MOGAT1: variants seen among roughly 807,000 people sequenced by gnomAD.
MOGAT1 encodes the protein 2-acylglycerol O-acyltransferase 1.
A neutral mutation model predicts 31.4 loss-of-function variants in MOGAT1; 32 were observed. The ratio of observed to expected loss-of-function variants is 1.02; its 90% confidence interval spans 0.77 to 1.37. The LOEUF is 1.37. Ranked by LOEUF, MOGAT1 falls within the 40% of genes most tolerant of loss-of-function variation. The pLI, the probability that MOGAT1 is intolerant of heterozygous loss-of-function variation, is 0.00. For missense variants in MOGAT1, 426 were observed against 402.0 expected, an observed-to-expected ratio of 1.06 and a Z score of -0.51; for synonymous variants, 145 against 144.5, an observed-to-expected ratio of 1.00 and a Z score of -0.03.
intron 2 of MOGAT1, 83 bp from the exon 3 acceptor site, chr2:222,689,182 T>C (rs924564535): frequency 1.9e-5 from 23 of 1,231,066 alleles, no homozygotes; most frequent in Non-Finnish European, 2.6e-5. Context: ...TCTCTTGACA[T>C]AAAAACTAGT....
At chr2:222,674,375 T>C (rs1417384076) in intron 1 of MOGAT1, among the ~76,000 whole-genome samples, 1 of 152,242 alleles carries the variant, frequency 6.6e-6, no homozygotes, top group African/African-American at 2.4e-5. Flanking sequence ...ATGACCTAGG[T>C]TTATAATTAT....
intron 1 of MOGAT1, 55 bp from the exon 2 acceptor site, chr2:222,688,289 T>G: frequency 7.0e-7 from 1 of 1,433,910 alleles, no homozygotes; most frequent in South Asian, 1.4e-5. Flanking sequence ...CATGGGCCAC[T>G]GCAGTGAGCA....
intron 1 of MOGAT1, among the ~76,000 whole-genome samples, chr2:222,684,883 C>T (rs1172625098): frequency 6.6e-6 from 1 of 152,088 alleles, no homozygotes; most frequent in Non-Finnish European, 1.5e-5. Flanking sequence ...CCGTATTTTA[C>T]TTCTTATTAT....
chr2:222,704,602 C>T (rs892641055), intron 5 of MOGAT1, among the ~76,000 whole-genome samples: 5 of 150,304 alleles, frequency 3.3e-5, no homozygotes, highest in African/African-American at 4.9e-5. Flanking sequence ...CCAGCCTGGG[C>T]GACAAAGCGA....
At chr2:222,675,431 GCCCGAATTA>G (rs1306004381) in intron 1 of MOGAT1, among the ~76,000 whole-genome samples, 1 of 151,644 alleles carries the variant, frequency 6.6e-6, no homozygotes, top group African/African-American at 2.4e-5. Context: ...CATGATGCTT[GCCCGAATTA>G]CCTGTTTTAT....
At chr2:222,704,698 G>C (rs557506526) in intron 5 of MOGAT1, among the ~76,000 whole-genome samples, 1 of 152,060 alleles carries the variant, frequency 6.6e-6, no homozygotes, top group South Asian at 2.1e-4. Flanking sequence ...CTTTTTATTT[G>C]ACCCTCACAA....
Position 222,689,340 on chromosome 2 carries a change from G to A in MOGAT1, c.349G>A (p.Gly117Arg), listed in dbSNP as rs755225654. 10 of 1,613,892 alleles carry A rather than the reference G, an allele frequency of 6.2e-6. No individual in the cohort carries two copies. In the African/African-American group the frequency reaches 1.1e-4, roughly 17 times the overall value. Residue 117 changes from glycine to arginine, a missense_variant, in exon 3 of 6, where the codon GGA (glycine) becomes AGA (arginine). Gly to Arg is a moderately radical substitution (Grantham distance 125). Transcript: ENST00000446656. ...TCACCCCCATGGAATAATGGCAGTT[G>A]GAGCCTTTGGGAATTTTTCTGTAAA... Reference protein sequence around the residue: ...GFHPHGIMAVGAFGNFSVNYS... With the variant: ...GFHPHGIMAVRAFGNFSVNYS...
At position 222,694,439 on chromosome 2, in the gene MOGAT1, CT is replaced by C; in HGVS notation, c.558del (p.Gly188ValfsTer28). On this transcript the variant is annotated frameshift_variant, in exon 4 of 6. Transcript: ENST00000446656. LOFTEE classifies it high-confidence loss of function. Reference protein sequence around the residue: ...EGGGNISVIVLGGAKESLDAH... With the variant: ...EGGGNISVIVXGGAKESLDAH... Reference sequence around the variant, plus strand: ...AGGTGGAAACATCTCTGTCATTGTCCTTGGGGGTGCAAAAGAATCACTGGAT... The same window carrying C: ...AGGTGGAAACATCTCTGTCATTGTCCTGGGGGTGCAAAAGAATCACTGGAT... 1.2e-6 allele frequency: 2 copies of C among 1,613,848 alleles called. No homozygotes were observed. Among genetic ancestry groups the C allele is most frequent in the Non-Finnish European group, 1.7e-6 (2 of 1,179,812 alleles).
At chr2:222,680,396 G>A (rs1445915896) in intron 1 of MOGAT1, among the ~76,000 whole-genome samples, 1 of 151,776 alleles carries the variant, frequency 6.6e-6, no homozygotes, top group Non-Finnish European at 1.5e-5. Context: ...AATATTGGCT[G>A]TGCTATAAAA....
chr2:222,709,633 G>A, intron 5 of MOGAT1, 103 bp from the exon 6 acceptor site: 1 of 1,025,890 alleles, frequency 9.7e-7, no homozygotes, highest in East Asian at 2.4e-5. Context: ...GCAGGCTGGA[G>A]GGATTCTGAT....
chr2:222,695,069 C>T lies in MOGAT1; in HGVS notation c.654-20C>T, dbSNP rs766854040. The T allele has an allele frequency of 1.9e-5, 30 of 1,550,922 alleles. No homozygotes were observed. The highest frequency in any genetic ancestry group is 2.3e-5 in the East Asian group (1 of 43,270). ...ATCCTTTTCATTGAAAATTCTCACCCGTCCCCTTTGTTATTGCAGCGCCTC... is the reference window on the plus strand; with the variant it reads ...ATCCTTTTCATTGAAAATTCTCACCTGTCCCCTTTGTTATTGCAGCGCCTC... On this transcript the variant is annotated intron_variant, in intron 4 of 5. Transcript: ENST00000446656.
In MOGAT1 at chr2:222,671,715, T is replaced by C. The variant is rs1028688600; in HGVS notation, c.-71T>C. 1.5e-6 allele frequency: 2 copies of C among 1,354,740 alleles called. No homozygotes were observed. The highest frequency in any genetic ancestry group is 2.5e-5 in the East Asian group (1 of 39,494). 83.9% of individuals were successfully genotyped at this position (1,354,740 alleles called of 1,614,324 possible). A position where few individuals can be genotyped will look rare whatever the true frequency, so the allele number is the denominator to read the frequency against. On this transcript the variant is annotated 5_prime_UTR_variant, in exon 1 of 6. Transcript: ENST00000446656. ...GCGGGGCCCGGATCCGGCCGGGCACTTCCCACAGGCGCCGCAGAGCAGCGT... is the reference window on the plus strand; with the variant it reads ...GCGGGGCCCGGATCCGGCCGGGCACCTCCCACAGGCGCCGCAGAGCAGCGT...
intron 5 of MOGAT1, among the ~76,000 whole-genome samples, chr2:222,707,552 C>T (rs1043740482): frequency 1.3e-5 from 2 of 152,060 alleles, no homozygotes; most frequent in Non-Finnish European, 2.9e-5. Context: ...TGTGCAACTC[C>T]CGCTCCCAGT....
At chr2:222,677,542 T>C (rs1692517369) in intron 1 of MOGAT1, 1 of 160,938 alleles carries the variant, frequency 6.2e-6, no homozygotes, top group Non-Finnish European at 1.4e-5. Context: ...ACTTACCAGC[T>C]TCTAGGTCTA....
At chr2:222,691,034 A>G (rs1692752681) in intron 3 of MOGAT1, among the ~76,000 whole-genome samples, 1 of 152,200 alleles carries the variant, frequency 6.6e-6, no homozygotes, top group African/African-American at 2.4e-5. Context: ...ATTCATGGAC[A>G]AGAGATGTAG....
At chr2:222,701,557 G>A (rs1222708976) in intron 5 of MOGAT1, among the ~76,000 whole-genome samples, 1 of 108,554 alleles carries the variant, frequency 9.2e-6, no homozygotes, top group African/African-American at 3.8e-5. Flanking sequence ...AAAAAAGAAA[G>A]AAAGAGAAAG....
intron 3 of MOGAT1, among the ~76,000 whole-genome samples, chr2:222,691,317 C>T (rs1391761067): frequency 1.3e-5 from 2 of 152,032 alleles, no homozygotes; most frequent in Non-Finnish European, 2.9e-5. Flanking sequence ...AAGTGATTCT[C>T]CTGCCTCAGC....
chr2:222,683,721 C>T (rs1403988218), intron 1 of MOGAT1, among the ~76,000 whole-genome samples: 4 of 151,162 alleles, frequency 2.6e-5, no homozygotes, highest in African/African-American at 7.3e-5. Context: ...AGTGAGACTC[C>T]GTTTCAAAAA....
intron 5 of MOGAT1, among the ~76,000 whole-genome samples, chr2:222,700,232 G>C (rs1338574527): frequency 6.6e-6 from 1 of 152,198 alleles, no homozygotes; most frequent in Non-Finnish European, 1.5e-5. Context: ...GATTGCACTT[G>C]TCACCTGGTT....
Sources: gnomAD v4.1 joint callset for allele counts (sites outside exome capture counted in the v4.1 genomes callset) on GRCh38, gnomAD v4.1.1 for gene constraint, MANE v1.5 for transcripts, NCBI Gene and HGNC (gene_info 2026-07-23, HGNC 2026-07-21) for gene names.